Variants in TRAPPC9 observed in about 807,000 individuals in gnomAD.
The protein encoded by TRAPPC9 is IKK2 binding protein.
In TRAPPC9, 83 loss-of-function variants were observed where a neutral mutation model predicts 124.0. The ratio of observed to expected loss-of-function variants is 0.67; its 90% confidence interval spans 0.56 to 0.80. The LOEUF is 0.80. Ranked by LOEUF, TRAPPC9 falls within the 30% of genes least tolerant of loss-of-function variation. TRAPPC9 has a pLI of 0.00. For synonymous variants in TRAPPC9, 638 were observed against 617.5 expected (o/e 1.03, Z -0.49); for missense variants, 1,302 against 1,508.3 (o/e 0.86, Z 2.27).
chr8:140,049,027 C>T (rs972558994), intron 17 of TRAPPC9, among the ~76,000 whole-genome samples: 2 of 152,304 alleles, frequency 1.3e-5, no homozygotes, highest in African/African-American at 2.4e-5. Flanking sequence ...GGGGTGGTTA[C>T]AGACCAAACC....
chr8:139,920,396 C>T (rs1201236764), intron 19 of TRAPPC9, among the ~76,000 whole-genome samples: 6 of 152,238 alleles, frequency 3.9e-5, no homozygotes, highest in African/African-American at 1.2e-4. Flanking sequence ...TTCTGCTATT[C>T]ATTTAAAGTC....
At chr8:140,175,418 A>G (rs1219364037) in intron 17 of TRAPPC9, among the ~76,000 whole-genome samples, 1 of 152,050 alleles carries the variant, frequency 6.6e-6, no homozygotes, top group African/African-American at 2.4e-5. Context: ...TTAAGCAAGC[A>G]GCACCTGAGA....
intron 21 of TRAPPC9, among the ~76,000 whole-genome samples, chr8:139,853,845 G>A (rs913072836): frequency 8.5e-5 from 13 of 152,192 alleles, no homozygotes; most frequent in East Asian, 3.8e-4. Flanking sequence ...CAAAGGAAGC[G>A]AAGGGCTCTT....
chr8:140,330,365 A>C (rs1186480089), intron 9 of TRAPPC9, among the ~76,000 whole-genome samples: 1 of 152,218 alleles, frequency 6.6e-6, no homozygotes, highest in African/African-American at 2.4e-5. Flanking sequence ...ATGGAAGAAG[A>C]TCTGTCATGT....
chr8:139,930,575 A>G (rs1318097570), intron 19 of TRAPPC9, among the ~76,000 whole-genome samples: 1 of 152,246 alleles, frequency 6.6e-6, no homozygotes, highest in Non-Finnish European at 1.5e-5. Flanking sequence ...ACAAAATGGT[A>G]CCAGTGACAG....
At chr8:140,022,234 C>T (rs1839869918) in intron 18 of TRAPPC9, among the ~76,000 whole-genome samples, 1 of 152,176 alleles carries the variant, frequency 6.6e-6, no homozygotes, top group Non-Finnish European at 1.5e-5. Context: ...ATTGCAGAGT[C>T]ATTGGGAGAC....
chr8:139,756,451 G>A (rs143507598), intron 21 of TRAPPC9, among the ~76,000 whole-genome samples: 2,892 of 91,166 alleles, frequency 0.032, no homozygotes, highest in Non-Finnish European at 0.049. Context: ...AGGACAGCAG[G>A]TCGCAGAAGG....
At chr8:140,304,248 C>T (rs1245586019) in intron 10 of TRAPPC9, among the ~76,000 whole-genome samples, 3 of 152,126 alleles carry the variant, frequency 2.0e-5, no homozygotes, top group Non-Finnish European at 4.4e-5. Flanking sequence ...GCACCTGCCA[C>T]CACGCCCGGC....
At chr8:139,756,089 G>A (rs1196483699) in intron 21 of TRAPPC9, among the ~76,000 whole-genome samples, 5 of 103,106 alleles carry the variant, frequency 4.8e-5, no homozygotes, top group East Asian at 3.0e-4. Context: ...GTTTGGGGAT[G>A]AGGACAGCAG....
chr8:140,045,796 G>A (rs1490108643), intron 17 of TRAPPC9, among the ~76,000 whole-genome samples: 2 of 151,914 alleles, frequency 1.3e-5, no homozygotes, highest in Non-Finnish European at 2.9e-5. Flanking sequence ...CGAGGTGGCA[G>A]AGTCCCAGAT....
chr8:139,939,342 C>T (rs576289059), intron 19 of TRAPPC9, among the ~76,000 whole-genome samples: 2 of 152,292 alleles, frequency 1.3e-5, no homozygotes, highest in African/African-American at 2.4e-5. Context: ...AGAGGCGTGG[C>T]GGGCAGGTGC....
chr8:139,856,976 G>A (rs1217049749), intron 21 of TRAPPC9, among the ~76,000 whole-genome samples: 1 of 152,120 alleles, frequency 6.6e-6, no homozygotes, highest in African/African-American at 2.4e-5. Context: ...GCTCCCGGGA[G>A]CACTGAGGTC....
intron 19 of TRAPPC9, among the ~76,000 whole-genome samples, chr8:139,975,374 C>T (rs72683292): frequency 0.097 from 14,722 of 152,206 alleles, 1,202 homozygotes; most frequent in African/African-American, 0.23. Flanking sequence ...CCACAGTAAG[C>T]CTGGCGTGGG....
At chr8:140,379,968 T>A (rs1420286669) in intron 7 of TRAPPC9, among the ~76,000 whole-genome samples, 2 of 152,212 alleles carry the variant, frequency 1.3e-5, no homozygotes, top group Non-Finnish European at 2.9e-5. Flanking sequence ...ATTGTAGGTA[T>A]CTCGTGTTCA....
At chr8:140,322,726 T>C (rs997434092) in intron 9 of TRAPPC9, among the ~76,000 whole-genome samples, 3 of 151,798 alleles carry the variant, frequency 2.0e-5, no homozygotes, top group South Asian at 2.1e-4. Flanking sequence ...TTCCCAACTA[T>C]GCAGGAGGCT....
chr8:140,272,194 G>A, intron 15 of TRAPPC9, among the ~76,000 whole-genome samples: 1 of 129,244 alleles, frequency 7.7e-6, no homozygotes, highest in Middle Eastern at 3.8e-3. Context: ...TTATGGTGGT[G>A]ATGGTGGCAG....
At chr8:140,290,817 A>G (rs904770167) in intron 12 of TRAPPC9, among the ~76,000 whole-genome samples, 176 bp downstream of exon 12, 1 of 152,264 alleles carries the variant, frequency 6.6e-6, no homozygotes, top group African/African-American at 2.4e-5. Context: ...CCAAGCCTAA[A>G]GACACAGGAA....
chr8:139,900,437 C>T (rs758341662), intron 20 of TRAPPC9, among the ~76,000 whole-genome samples: 2 of 152,238 alleles, frequency 1.3e-5, no homozygotes, highest in Non-Finnish European at 2.9e-5. Context: ...GTGTTAGGTG[C>T]TGGGGATTCA....
intron 18 of TRAPPC9, among the ~76,000 whole-genome samples, chr8:140,010,052 C>A (rs949530411): frequency 6.6e-6 from 1 of 152,098 alleles, no homozygotes; most frequent in African/African-American, 2.4e-5. Context: ...AATGACAGAC[C>A]AAAATCTAGA....
Sources: gnomAD v4.1 joint callset for allele counts (sites outside exome capture counted in the v4.1 genomes callset) on GRCh38, gnomAD v4.1.1 for gene constraint, MANE v1.5 for transcripts, NCBI Gene and HGNC (gene_info 2026-07-23, HGNC 2026-07-21) for gene names.